Variants in GLCCI1 observed in about 807,000 individuals in gnomAD.
The protein encoded by GLCCI1 is glucocorticoid-induced transcript 1 protein.
A neutral mutation model predicts 52.2 loss-of-function variants in GLCCI1; 24 were observed. The observed-to-expected ratio is 0.46, with a 90% CI of 0.33 to 0.65. GLCCI1 has a LOEUF of 0.65. Ranked by LOEUF, GLCCI1 falls within the 30% of genes least tolerant of loss-of-function variation. The probability of loss-of-function intolerance (pLI) is 0.02; values close to 1 mark genes in which losing one functional copy is unlikely to be tolerated. For synonymous variants in GLCCI1, 310 were observed against 276.5 expected (o/e 1.12, Z -1.20); for missense variants, 704 against 701.5 (o/e 1.00, Z -0.04).
intron 3 of GLCCI1, among the ~76,000 whole-genome samples, chr7:8,026,590 C>T (rs1191186136): frequency 2.6e-5 from 4 of 152,260 alleles, no homozygotes; most frequent in African/African-American, 4.8e-5. Flanking sequence ...AGCAGTTGTG[C>T]GGAGCACAGA....
intron 3 of GLCCI1, among the ~76,000 whole-genome samples, chr7:8,033,819 AATTG>A (rs554964009): frequency 9.9e-4 from 150 of 152,272 alleles, no homozygotes; most frequent in African/African-American, 3.5e-3. Flanking sequence ...GTAATTCTCA[AATTG>A]ATATATAGAT....
chr7:7,982,532 T>A (rs534840934), intron 1 of GLCCI1, among the ~76,000 whole-genome samples: 21 of 152,260 alleles, frequency 1.4e-4, no homozygotes, highest in African/African-American at 3.6e-4. Context: ...TACATAAACG[T>A]GTTTATAAAG....
intron 3 of GLCCI1, among the ~76,000 whole-genome samples, chr7:8,028,315 A>T (rs182748832): frequency 6.6e-6 from 1 of 152,332 alleles, no homozygotes; most frequent in Admixed American, 6.5e-5. Context: ...GGAATTTTGG[A>T]AACCATACAA....
At chr7:8,060,326 G>A in intron 5 of GLCCI1, 78 bp downstream of exon 5, 1 of 1,132,810 alleles carries the variant, frequency 8.8e-7, no homozygotes, top group Non-Finnish European at 1.3e-6. Context: ...CTTGGTAACA[G>A]CTTTGTTAAG....
chr7:7,985,567 T>G (rs1328107849), intron 1 of GLCCI1, among the ~76,000 whole-genome samples: 4 of 152,096 alleles, frequency 2.6e-5, no homozygotes, highest in African/African-American at 9.7e-5. Context: ...AACACCCAAC[T>G]AGACATATTC....
intron 6 of GLCCI1, among the ~76,000 whole-genome samples, chr7:8,078,001 A>G (rs549201997): frequency 1.4e-3 from 214 of 152,018 alleles, no homozygotes; most frequent in African/African-American, 4.1e-3. Context: ...TTGGGAGGCC[A>G]AGGCAGGCGG....
intron 1 of GLCCI1, among the ~76,000 whole-genome samples, chr7:7,987,441 C>T (rs1780757490): frequency 6.6e-6 from 1 of 152,226 alleles, no homozygotes. Flanking sequence ...GTCATCTCAT[C>T]TGAAATGTCA....
intron 3 of GLCCI1, among the ~76,000 whole-genome samples, chr7:8,042,411 C>G (rs555545875): frequency 1.5e-4 from 23 of 152,218 alleles, no homozygotes; most frequent in African/African-American, 5.1e-4. Context: ...TTAACAGGAG[C>G]TTGGAAGAAC....
At chr7:7,976,971 G>T (rs73049252) in intron 1 of GLCCI1, among the ~76,000 whole-genome samples, 4 of 150,894 alleles carry the variant, frequency 2.7e-5, no homozygotes, top group African/African-American at 9.7e-5. Flanking sequence ...GATGTGTTTC[G>T]TAATGAAAAG....
intron 6 of GLCCI1, among the ~76,000 whole-genome samples, chr7:8,075,443 A>C (rs1230089896): frequency 6.6e-6 from 1 of 152,242 alleles, no homozygotes; most frequent in African/African-American, 2.4e-5. Context: ...TGACATCATC[A>C]GAATGTACCC....
intron 1 of GLCCI1, among the ~76,000 whole-genome samples, chr7:7,994,123 T>A (rs755017917): frequency 1.4e-4 from 21 of 152,120 alleles, no homozygotes; most frequent in Non-Finnish European, 2.8e-4. Flanking sequence ...ACATGTTGGT[T>A]CATGCTTGTA....
At chr7:8,026,119 T>A (rs1467896193) in intron 3 of GLCCI1, among the ~76,000 whole-genome samples, 1 of 152,166 alleles carries the variant, frequency 6.6e-6, no homozygotes, top group Non-Finnish European at 1.5e-5. Context: ...TATATGATAA[T>A]AGCACAAAGG....
At chr7:8,041,214 A>G (rs1230002664) in intron 3 of GLCCI1, among the ~76,000 whole-genome samples, 1 of 152,258 alleles carries the variant, frequency 6.6e-6, no homozygotes, top group East Asian at 1.9e-4. Context: ...CAAACCAGCC[A>G]CAACATTCCC....
chr7:8,051,968 T>C (rs1782267800), intron 3 of GLCCI1, among the ~76,000 whole-genome samples: 2 of 152,376 alleles, frequency 1.3e-5, no homozygotes, highest in Admixed American at 6.5e-5. Context: ...AAAAGAATTA[T>C]AGCTATTACT....
chr7:7,990,552 T>A (rs1466298425), intron 1 of GLCCI1, among the ~76,000 whole-genome samples: 1 of 152,126 alleles, frequency 6.6e-6, no homozygotes, highest in African/African-American at 2.4e-5. Context: ...GGCAATCTTT[T>A]ATGCACAATA....
chr7:8,067,898 T>G (rs1782667145), intron 5 of GLCCI1, among the ~76,000 whole-genome samples: 1 of 152,186 alleles, frequency 6.6e-6, no homozygotes, highest in South Asian at 2.1e-4. Flanking sequence ...GTTGGCCTCT[T>G]TAGTGTGGGT....
At chr7:8,015,503 A>G (rs1252513216) in intron 2 of GLCCI1, among the ~76,000 whole-genome samples, 6 of 152,144 alleles carry the variant, frequency 3.9e-5, no homozygotes, top group Admixed American at 6.5e-5. Context: ...TAGGGGTCTA[A>G]ATTATTTTTT....
chr7:8,075,928 T>C (rs1325622400), intron 6 of GLCCI1, among the ~76,000 whole-genome samples: 1 of 152,200 alleles, frequency 6.6e-6, no homozygotes, highest in Non-Finnish European at 1.5e-5. Flanking sequence ...AATATTCGTA[T>C]TGCTAAACTT....
chr7:8,020,794 A>G (rs35171936), intron 2 of GLCCI1, among the ~76,000 whole-genome samples: 3,558 of 152,314 alleles, frequency 0.023, 68 homozygotes, highest in East Asian at 0.09. Context: ...AGGTAAAACC[A>G]TTAAGTTATA....
Sources: gnomAD v4.1 joint callset for allele counts (sites outside exome capture counted in the v4.1 genomes callset) on GRCh38, gnomAD v4.1.1 for gene constraint, MANE v1.5 for transcripts, NCBI Gene and HGNC (gene_info 2026-07-23, HGNC 2026-07-21) for gene names.